SPON1: variants seen among roughly 807,000 people sequenced by gnomAD.
SPON1 encodes the protein spondin-1.
In SPON1, 52 loss-of-function variants were observed where a neutral mutation model predicts 111.7. The ratio of observed to expected loss-of-function variants is 0.47; its 90% CI spans 0.37 to 0.59. The LOEUF is 0.59. Ranked by LOEUF, SPON1 falls within the 20% of genes least tolerant of loss-of-function variation. The pLI is 0.00. For synonymous variants in SPON1, 410 were observed against 395.8 expected (o/e 1.04, Z -0.43); for missense variants, 957 against 1,068.5 (o/e 0.90, Z 1.46).
At chr11:13,975,621 A>G (rs1554908996) in intron 1 of SPON1, among the ~76,000 whole-genome samples, 1 of 152,146 alleles carries the variant, frequency 6.6e-6, no homozygotes, top group African/African-American at 2.4e-5. Context: ...TGAAAGGGGC[A>G]GGGAGGTCCT....
At chr11:14,206,535 A>AT (rs1277321424) in intron 6 of SPON1, among the ~76,000 whole-genome samples, 29 of 152,038 alleles carry the variant, frequency 1.9e-4, no homozygotes, top group African/African-American at 4.1e-4. Context: ...TCAACTTTTT[A>AT]TTTTTTTGCT....
At chr11:14,035,812 C>T (rs577628964) in intron 2 of SPON1, among the ~76,000 whole-genome samples, 1 of 152,066 alleles carries the variant, frequency 6.6e-6, no homozygotes, top group African/African-American at 2.4e-5. Context: ...GAGATGGGGC[C>T]TCACTACGTT....
At chr11:14,086,881 G>C (rs1245654691) in intron 5 of SPON1, among the ~76,000 whole-genome samples, 4 of 152,144 alleles carry the variant, frequency 2.6e-5, no homozygotes, top group Non-Finnish European at 5.9e-5. Context: ...TTGGGAGGGT[G>C]TATGTGTCCA....
chr11:14,090,864 G>T (rs1849049054), intron 5 of SPON1, among the ~76,000 whole-genome samples: 1 of 112,048 alleles, frequency 8.9e-6, no homozygotes. Flanking sequence ...CTGCTGATTG[G>T]TAGAGCCCAG....
intron 6 of SPON1, among the ~76,000 whole-genome samples, chr11:14,175,645 A>G (rs1554933009): frequency 6.6e-6 from 1 of 152,150 alleles, no homozygotes; most frequent in Non-Finnish European, 1.5e-5. Flanking sequence ...TGTTTTACTC[A>G]AACAGAGAAA....
chr11:14,169,119 T>C lies in SPON1; in HGVS notation c.825+33551T>C, dbSNP rs555025754. Among the ~76,000 whole-genome samples the C allele has an allele frequency of 5.2e-3, 785 of 152,304 alleles. 1 individual carries two copies. The highest frequency in any genetic ancestry group is 8.7e-3 in the Non-Finnish European group (591 of 68,006). On this transcript the variant is annotated intron_variant, in intron 6 of 15. Coordinates refer to ENST00000576479, the MANE Select transcript of SPON1 (RefSeq NM_006108.4). ...TTGAACTAGTTTACATTCTCACCAA[T>C]AGTGTGAAAGTGTTCCTATTTCTCC...
chr11:13,993,523 G>T (rs1211108337), intron 2 of SPON1, among the ~76,000 whole-genome samples: 1 of 152,096 alleles, frequency 6.6e-6, no homozygotes, highest in Non-Finnish European at 1.5e-5. Context: ...TCTCCTTCAG[G>T]TCTCTGATCA....
chr11:14,169,062 C>T (rs1554932137), intron 6 of SPON1, among the ~76,000 whole-genome samples: 3 of 152,132 alleles, frequency 2.0e-5, no homozygotes, highest in Admixed American at 2.0e-4. Flanking sequence ...TTCTAGATCC[C>T]TGAGGAATCA....
chr11:14,149,946 A>G (rs1320182744), intron 6 of SPON1, among the ~76,000 whole-genome samples: 3 of 151,992 alleles, frequency 2.0e-5, no homozygotes, highest in Non-Finnish European at 4.4e-5. Context: ...TCCTTAAGGC[A>G]CTCCTAGTCT....
intron 5 of SPON1, among the ~76,000 whole-genome samples, chr11:14,107,015 G>C (rs1316621431): frequency 6.6e-6 from 1 of 152,162 alleles, no homozygotes; most frequent in Non-Finnish European, 1.5e-5. Flanking sequence ...ATTAAACTCT[G>C]TCTAACATTA....
intron 1 of SPON1, among the ~76,000 whole-genome samples, chr11:13,978,458 G>A (rs781969319): frequency 2.0e-5 from 3 of 152,080 alleles, no homozygotes; most frequent in Non-Finnish European, 4.4e-5. Context: ...ACCCTTGAAC[G>A]TCTTACAAAT....
chr11:14,256,960 C>T lies in SPON1; in HGVS notation c.1309+268C>T, dbSNP rs572147442. ...ATGTAAATCTCATTTTAATGGGCTT[C>T]GCAGGATTCAGACCACTCTCTGCTT... On this transcript the variant is annotated intron_variant, in intron 10 of 15. Coordinates refer to ENST00000576479, the MANE Select transcript of SPON1 (RefSeq NM_006108.4). 5.3e-5 allele frequency among the ~76,000 whole-genome samples: 8 copies of T among 152,224 alleles called. No individual in the cohort carries two copies. The South Asian group carries it at 6.2e-4, about 12-fold the overall frequency.
intron 5 of SPON1, among the ~76,000 whole-genome samples, chr11:14,096,542 G>C (rs886985834): frequency 6.6e-6 from 1 of 152,178 alleles, no homozygotes; most frequent in African/African-American, 2.4e-5. Flanking sequence ...AGTGAGGTCA[G>C]GGTCTCTACC....
At chr11:14,125,551 A>T (rs1847448861) in intron 5 of SPON1, among the ~76,000 whole-genome samples, 2 of 152,198 alleles carry the variant, frequency 1.3e-5, no homozygotes, top group South Asian at 4.1e-4. Context: ...CTGAGGTTAG[A>T]CAACAGAAGG....
intron 5 of SPON1, among the ~76,000 whole-genome samples, chr11:14,089,658 C>T (rs1849034268): frequency 6.6e-6 from 1 of 152,198 alleles, no homozygotes; most frequent in African/African-American, 2.4e-5. Context: ...AGAGCTCGAG[C>T]TCTGTGCTGG....
chr11:14,011,078 ATAT>A (rs1422625024), intron 2 of SPON1, among the ~76,000 whole-genome samples: 1 of 152,144 alleles, frequency 6.6e-6, no homozygotes, highest in African/African-American at 2.4e-5. Context: ...CAGAACCAAA[ATAT>A]TATTAATGGA....
chr11:14,069,277 T>C (rs553626203), intron 3 of SPON1, among the ~76,000 whole-genome samples: 1 of 152,266 alleles, frequency 6.6e-6, no homozygotes, highest in East Asian at 1.9e-4. Flanking sequence ...GAGTTAATAT[T>C]TGTGAAGCAC....
At chr11:14,243,030 C>T (rs1446124303) in intron 6 of SPON1, among the ~76,000 whole-genome samples, 1 of 152,200 alleles carries the variant, frequency 6.6e-6, no homozygotes, top group African/African-American at 2.4e-5. Context: ...GTCTGGCCAA[C>T]CAAGGCAGAA....
intron 3 of SPON1, among the ~76,000 whole-genome samples, chr11:14,058,620 T>C (rs1848765542): frequency 6.6e-6 from 1 of 152,134 alleles, no homozygotes; most frequent in Non-Finnish European, 1.5e-5. Context: ...GGTGAGGCCA[T>C]GGTAAGGAGT....
Sources: gnomAD v4.1 joint callset for allele counts (sites outside exome capture counted in the v4.1 genomes callset) on GRCh38, gnomAD v4.1.1 for gene constraint, MANE v1.5 for transcripts, NCBI Gene and HGNC (gene_info 2026-07-23, HGNC 2026-07-21) for gene names.